Variants in FRAS1 observed in about 807,000 individuals in gnomAD.
FRAS1 encodes extracellular matrix organizing protein FRAS1.
Under a neutral mutation model 435.2 loss-of-function variants are expected in FRAS1, and 290 were observed. That is an observed-to-expected ratio of 0.67 (90% CI 0.61 to 0.73). The LOEUF (loss-of-function observed/expected upper bound fraction) is 0.73, where lower values mean the gene tolerates loss of function less well. Among genes scored for constraint, FRAS1 ranks in the 30% least tolerant of loss-of-function variants. The pLI, the probability that FRAS1 is intolerant of heterozygous loss-of-function variation, is 0.00. For missense variants in FRAS1, 4,860 were observed against 5,001.5 expected (o/e 0.97, Z 0.85); for synonymous variants, 1,800 against 1,851.0 (o/e 0.97, Z 0.71).
intron 2 of FRAS1, among the ~76,000 whole-genome samples, chr4:78,139,199 G>T (rs1321246302): frequency 6.6e-6 from 1 of 152,158 alleles, no homozygotes; most frequent in East Asian, 1.9e-4. Flanking sequence ...CCTTGGGCAG[G>T]CTGACAGGCA....
intron 58 of FRAS1, among the ~76,000 whole-genome samples, chr4:78,482,752 G>A (rs1457118949): frequency 6.6e-6 from 1 of 152,170 alleles, no homozygotes; most frequent in Non-Finnish European, 1.5e-5. Context: ...ACAAAGAGAT[G>A]TATAAGCCTT....
At chr4:78,395,263 T>A (rs1037574567) in intron 29 of FRAS1, among the ~76,000 whole-genome samples, 1 of 151,966 alleles carries the variant, frequency 6.6e-6, no homozygotes, top group East Asian at 1.9e-4. Flanking sequence ...TGTTAAGACA[T>A]CTTTTGTGGC....
intron 22 of FRAS1, among the ~76,000 whole-genome samples, chr4:78,365,049 C>A (rs1731211246): frequency 3.9e-5 from 6 of 151,926 alleles, no homozygotes; most frequent in Non-Finnish European, 7.4e-5. Flanking sequence ...TTAATACAGA[C>A]CATAGTGGAG....
intron 72 of FRAS1, 99 bp downstream of exon 72, chr4:78,537,299 AT>A: frequency 9.1e-7 from 1 of 1,103,646 alleles, no homozygotes. Context: ...CACTCTTGAT[AT>A]TTTCTTCTCT....
intron 14 of FRAS1, 136 bp downstream of exon 14, chr4:78,286,675 G>T: frequency 1.3e-6 from 1 of 789,530 alleles, no homozygotes. Context: ...CAAGACTTCT[G>T]ATGGGATGAG....
chr4:78,397,892 C>T (rs113843661), intron 29 of FRAS1, among the ~76,000 whole-genome samples: 9 of 152,224 alleles, frequency 5.9e-5, no homozygotes, highest in African/African-American at 1.9e-4. Flanking sequence ...TTGAGTTGTG[C>T]GTACTTGGAG....
chr4:78,416,629 C>T (rs1274612409), intron 32 of FRAS1, among the ~76,000 whole-genome samples: 2 of 152,052 alleles, frequency 1.3e-5, no homozygotes, highest in Non-Finnish European at 2.9e-5. Context: ...GAAGGGTGTG[C>T]TGGAGCAGAG....
At chr4:78,427,933 C>G (rs371691075) in intron 35 of FRAS1, among the ~76,000 whole-genome samples, 3 of 152,342 alleles carry the variant, frequency 2.0e-5, no homozygotes, top group East Asian at 3.9e-4. Flanking sequence ...AGGAAGGAAA[C>G]TAGTTTCTCA....
chr4:78,125,426 G>C (rs1719290141), intron 2 of FRAS1, among the ~76,000 whole-genome samples: 1 of 152,128 alleles, frequency 6.6e-6, no homozygotes, highest in Non-Finnish European at 1.5e-5. Flanking sequence ...GTCAATTTTA[G>C]AATAAGTGCA....
chr4:78,239,913 T>C (rs917483701), intron 3 of FRAS1, among the ~76,000 whole-genome samples: 2 of 152,342 alleles, frequency 1.3e-5, no homozygotes, highest in Non-Finnish European at 2.9e-5. Flanking sequence ...ACACATTTTG[T>C]ATTCCTCTTC....
chr4:78,362,599 G>A (rs1263705495), intron 20 of FRAS1, among the ~76,000 whole-genome samples: 1 of 152,232 alleles, frequency 6.6e-6, no homozygotes, highest in Non-Finnish European at 1.5e-5. Context: ...TCCCTCCGCT[G>A]GTGAGGGCAA....
chr4:78,126,755 A>G (rs1002506493), intron 2 of FRAS1, among the ~76,000 whole-genome samples: 7 of 152,196 alleles, frequency 4.6e-5, no homozygotes, highest in African/African-American at 1.4e-4. Context: ...CTAATCATAG[A>G]TCATGTAATA....
intron 35 of FRAS1, among the ~76,000 whole-genome samples, chr4:78,427,760 C>T (rs1341317482): frequency 2.6e-5 from 4 of 152,246 alleles, no homozygotes; most frequent in African/African-American, 9.6e-5. Context: ...ATCTCCAAGA[C>T]ATGGAGTGTA....
chr4:78,257,696 C>A (rs994948636), intron 6 of FRAS1, among the ~76,000 whole-genome samples: 7 of 152,148 alleles, frequency 4.6e-5, no homozygotes, highest in African/African-American at 7.2e-5. Context: ...GAGGAGAATT[C>A]ATTCCAGTCT....
intron 2 of FRAS1, among the ~76,000 whole-genome samples, chr4:78,220,221 C>T (rs187169886): frequency 1.4e-3 from 209 of 152,290 alleles, no homozygotes; most frequent in African/African-American, 2.2e-3. Flanking sequence ...GTAGATTAGA[C>T]GTTCATGGAC....
At chr4:78,255,112 A>G in intron 5 of FRAS1, 130 bp from the exon 6 acceptor site, 1 of 845,422 alleles carries the variant, frequency 1.2e-6, no homozygotes. Flanking sequence ...AGAGCATTGA[A>G]CACCAAATGC....
rs1000708599 is a variant in FRAS1, at chr4:78,318,056, A to G, written c.1960+548A>G. On this transcript the variant is annotated intron_variant, in intron 17 of 73. Transcript: ENST00000512123. ...GTGAAATAAATGTATATTTATTTAT[A>G]CATCAGAATTAAGTGAAATCAATGT... is the stretch of plus-strand genomic sequence containing the variant. Among the ~76,000 whole-genome samples the G allele has an allele frequency of 9.8e-5, 15 of 152,362 alleles. 1 individual carries two copies. The highest frequency in any genetic ancestry group is 7.8e-4 in the Admixed American group (12 of 15,300).
At chr4:78,422,058 A>T in intron 34 of FRAS1, 58 bp downstream of exon 34, 2 of 1,533,372 alleles carry the variant, frequency 1.3e-6, no homozygotes, top group Non-Finnish European at 1.8e-6. Context: ...TCTACATGAC[A>T]GGCTCGCCCT....
intron 32 of FRAS1, among the ~76,000 whole-genome samples, chr4:78,415,991 A>G (rs1318767153): frequency 1.3e-5 from 2 of 152,216 alleles, no homozygotes; most frequent in Non-Finnish European, 2.9e-5. Context: ...TGTTCATTGT[A>G]GCATTATTCA....
Sources: gnomAD v4.1 joint callset for allele counts (sites outside exome capture counted in the v4.1 genomes callset) on GRCh38, gnomAD v4.1.1 for gene constraint, MANE v1.5 for transcripts, NCBI Gene and HGNC (gene_info 2026-07-23, HGNC 2026-07-21) for gene names.